The following SPIDR variants were observed in gnomAD, a reference collection of about 807,000 sequenced individuals.
SPIDR encodes the protein scaffold protein involved in DNA repair, also known as DNA repair-scaffolding protein.
In SPIDR, 93 loss-of-function variants were observed where a neutral mutation model predicts 104.6. The ratio of observed to expected loss-of-function variants is 0.89; its 90% CI spans 0.75 to 1.06. The LOEUF (loss-of-function observed/expected upper bound fraction) is 1.06. Among genes scored for constraint, SPIDR ranks in the 50% least tolerant of loss-of-function variants. The pLI, the probability that SPIDR is intolerant of heterozygous loss-of-function variation, is 0.00. For synonymous variants in SPIDR, 431 were observed against 416.9 expected, an observed-to-expected ratio of 1.03 and a Z score of -0.41; for missense variants, 1,154 against 1,111.2, an observed-to-expected ratio of 1.04 and a Z score of -0.55.
chr8:47,638,429 C>T (rs2068307335), intron 10 of SPIDR, among the ~76,000 whole-genome samples: 1 of 152,182 alleles, frequency 6.6e-6, no homozygotes, highest in African/African-American at 2.4e-5. Context: ...CAGGCGTGAG[C>T]CACCATACCC....
intron 10 of SPIDR, among the ~76,000 whole-genome samples, chr8:47,605,175 A>G (rs1215557840): frequency 6.6e-6 from 1 of 152,204 alleles, no homozygotes; most frequent in Non-Finnish European, 1.5e-5. Context: ...CACTGAGGAG[A>G]CAGAGGAGGC....
intron 12 of SPIDR, among the ~76,000 whole-genome samples, chr8:47,700,792 G>A (rs1451663090): frequency 6.6e-6 from 1 of 152,184 alleles, no homozygotes; most frequent in Non-Finnish European, 1.5e-5. Context: ...TGGGGTCTCA[G>A]CCTTGTACTA....
At chr8:47,435,807 AG>A (rs1349223797) in intron 7 of SPIDR, among the ~76,000 whole-genome samples, 1 of 152,232 alleles carries the variant, frequency 6.6e-6, no homozygotes, top group African/African-American at 2.4e-5. Context: ...ATAATGAAGT[AG>A]GGGGGAAACA....
At chr8:47,273,160 T>A (rs2035677431) in intron 1 of SPIDR, among the ~76,000 whole-genome samples, 1 of 152,164 alleles carries the variant, frequency 6.6e-6, no homozygotes, top group African/African-American at 2.4e-5. Flanking sequence ...CAGGGCTCAG[T>A]CCCACGAGAC....
At chr8:47,668,611 C>T (rs916682244) in intron 10 of SPIDR, among the ~76,000 whole-genome samples, 5 of 151,870 alleles carry the variant, frequency 3.3e-5, no homozygotes, top group Admixed American at 2.6e-4. Flanking sequence ...TTCTTTAAAG[C>T]TGGAACAAAA....
intron 14 of SPIDR, among the ~76,000 whole-genome samples, chr8:47,704,906 T>C (rs953166450): frequency 2.0e-5 from 3 of 152,172 alleles, no homozygotes; most frequent in African/African-American, 7.2e-5. Context: ...AAGACTGACT[T>C]CACGCTCCTC....
chr8:47,381,381 G>A lies in SPIDR; in HGVS notation c.526-14995G>A, dbSNP rs556219003. Among the ~76,000 whole-genome samples, 4 of 152,278 alleles carry A rather than the reference G, an allele frequency of 2.6e-5. No homozygotes were observed. The South Asian group carries it at 8.3e-4, about 32-fold the overall frequency. ...TGGTTTTGATTATTTTACTTGCCAT[G>A]GTGTATCTTCTGTAGCATTTTTGTT... On this transcript the variant is annotated intron_variant, in intron 5 of 19. Transcript: ENST00000297423.
chr8:47,407,771 C>A, intron 6 of SPIDR, 90 bp from the exon 7 acceptor site: 1 of 655,394 alleles, frequency 1.5e-6, no homozygotes, highest in Non-Finnish European at 2.5e-6. Context: ...ATCTGTTTGT[C>A]TCTGGTTGGG....
Position 47,555,061 on chromosome 8 carries a change from A to G in SPIDR, c.1098-40750A>G, listed in dbSNP as rs78724991. ...TCTAACCTAGAGTACTTATGAGTAAACAAGTGGTATAAAGTGGTATAATCT... is the reference window on the plus strand; with the variant it reads ...TCTAACCTAGAGTACTTATGAGTAAGCAAGTGGTATAAAGTGGTATAATCT... On this transcript the variant is annotated intron_variant, in intron 8 of 19. Transcript: ENST00000297423. Among the ~76,000 whole-genome samples, 127 of 152,244 alleles carry G rather than the reference A, an allele frequency of 8.3e-4. 3 individuals carry two copies. The East Asian group carries it at 0.023, about 27-fold the overall frequency.
At chr8:47,545,071 TTTTCTTTC>T (rs566816481) in intron 8 of SPIDR, among the ~76,000 whole-genome samples, 20,676 of 124,504 alleles carry the variant, frequency 0.17, 2,403 homozygotes, top group African/African-American at 0.32. Flanking sequence ...TCTTTTTATC[TTTTCTTTC>T]TTTCTTTCTT....
intron 10 of SPIDR, among the ~76,000 whole-genome samples, chr8:47,649,608 C>T (rs570051985): frequency 3.3e-5 from 5 of 152,260 alleles, no homozygotes; most frequent in African/African-American, 7.2e-5. Flanking sequence ...ATGTCCTCCT[C>T]TTATGGCTGT....
At chr8:47,302,710 C>T (rs2042340555) in intron 5 of SPIDR, among the ~76,000 whole-genome samples, 1 of 152,220 alleles carries the variant, frequency 6.6e-6, no homozygotes, top group Non-Finnish European at 1.5e-5. Context: ...TGGAGGTCCA[C>T]TCCAGACCTT....
At chr8:47,627,104 T>C (rs1160683755) in intron 10 of SPIDR, among the ~76,000 whole-genome samples, 1 of 152,082 alleles carries the variant, frequency 6.6e-6, no homozygotes, top group Non-Finnish European at 1.5e-5. Flanking sequence ...TGGATGAAGG[T>C]GGAAACCATC....
At chr8:47,675,970 C>G (rs1319176922) in intron 11 of SPIDR, among the ~76,000 whole-genome samples, 1 of 152,238 alleles carries the variant, frequency 6.6e-6, no homozygotes, top group African/African-American at 2.4e-5. Flanking sequence ...GCTCCCGCCA[C>G]AGGATGTTCC....
chr8:47,335,882 AT>A (rs1157705757), intron 5 of SPIDR, among the ~76,000 whole-genome samples: 1 of 143,094 alleles, frequency 7.0e-6, no homozygotes, highest in Non-Finnish European at 1.5e-5. Flanking sequence ...TTTTTGTTAG[AT>A]TTTTCTGTAG....
intron 8 of SPIDR, among the ~76,000 whole-genome samples, chr8:47,534,042 A>G (rs1160402318): frequency 1.3e-5 from 2 of 152,174 alleles, no homozygotes; most frequent in Admixed American, 6.6e-5. Context: ...GTGCTGTTCT[A>G]GTGATAGTGA....
At chr8:47,479,527 A>G (rs1460750084) in intron 8 of SPIDR, among the ~76,000 whole-genome samples, 4 of 152,206 alleles carry the variant, frequency 2.6e-5, no homozygotes, top group African/African-American at 7.2e-5. Context: ...TGAGCTTAGC[A>G]GCACAGCCCA....
At chr8:47,301,380 G>T (rs1222643875) in intron 5 of SPIDR, among the ~76,000 whole-genome samples, 1 of 151,994 alleles carries the variant, frequency 6.6e-6, no homozygotes, top group Non-Finnish European at 1.5e-5. Context: ...CACACTGATG[G>T]GTCTTGACTC....
chr8:47,463,210 A>C (rs377193534), intron 8 of SPIDR, among the ~76,000 whole-genome samples: 129 of 152,072 alleles, frequency 8.5e-4, no homozygotes, highest in African/African-American at 3.0e-3. Context: ...ATACAAAAAA[A>C]ATTAGCTGGG....
Sources: gnomAD v4.1 joint callset for allele counts (sites outside exome capture counted in the v4.1 genomes callset) on GRCh38, gnomAD v4.1.1 for gene constraint, MANE v1.5 for transcripts, NCBI Gene and HGNC (gene_info 2026-07-23, HGNC 2026-07-21) for gene names.